Variants in MAGI2 observed in about 807,000 individuals in gnomAD.
MAGI2 encodes the protein membrane-associated guanylate kinase, WW and PDZ domain-containing protein 2.
In MAGI2, 35 loss-of-function variants were observed where a neutral mutation model predicts 133.3. The observed-to-expected ratio is 0.26, with a 90% CI of 0.20 to 0.35. The LOEUF is 0.35. Among genes scored for constraint, MAGI2 ranks in the 10% least tolerant of loss-of-function variants. The pLI, the probability that MAGI2 is intolerant of heterozygous loss-of-function variation, is 1.00. For synonymous variants in MAGI2, 729 were observed against 710.6 expected (o/e 1.03, Z -0.41); for missense variants, 1,636 against 1,863.4 (o/e 0.88, Z 2.25).
chr7:78,228,088 T>C (rs1252344139), intron 10 of MAGI2, among the ~76,000 whole-genome samples: 2 of 152,180 alleles, frequency 1.3e-5, no homozygotes, highest in Non-Finnish European at 2.9e-5. Context: ...TCCAATAACA[T>C]TTTATGGACA....
At chr7:79,290,880 T>C (rs1585446573) in intron 1 of MAGI2, among the ~76,000 whole-genome samples, 1 of 152,086 alleles carries the variant, frequency 6.6e-6, no homozygotes, top group Non-Finnish European at 1.5e-5. Context: ...TACCATAAAA[T>C]AGTTGTTTTA....
intron 9 of MAGI2, among the ~76,000 whole-genome samples, chr7:78,308,073 TA>T (rs767144092): frequency 1.2e-4 from 18 of 152,342 alleles, no homozygotes; most frequent in Non-Finnish European, 2.4e-4. Context: ...TCACTTTAAA[TA>T]ATGGGCAATG....
At chr7:78,540,021 G>A (rs1208879356) in intron 3 of MAGI2, among the ~76,000 whole-genome samples, 1 of 152,210 alleles carries the variant, frequency 6.6e-6, no homozygotes, top group Non-Finnish European at 1.5e-5. Context: ...TTGGCCTCCA[G>A]CCAGGAGGTG....
intron 2 of MAGI2, among the ~76,000 whole-genome samples, chr7:78,917,347 A>T (rs1584384908): frequency 6.6e-6 from 1 of 152,178 alleles, no homozygotes; most frequent in East Asian, 1.9e-4. Context: ...AAAGAGAGAC[A>T]TTAATTTCTG....
intron 1 of MAGI2, among the ~76,000 whole-genome samples, chr7:79,273,719 C>G (rs1342212142): frequency 6.6e-6 from 1 of 151,576 alleles, no homozygotes; most frequent in East Asian, 1.9e-4. Context: ...TACAGTATGG[C>G]TCACTTTATC....
At chr7:78,576,282 T>C (rs1391496577) in intron 3 of MAGI2, among the ~76,000 whole-genome samples, 1 of 152,178 alleles carries the variant, frequency 6.6e-6, no homozygotes, top group East Asian at 1.9e-4. Flanking sequence ...GTCTCTAGCA[T>C]TCTGGGTTAC....
At chr7:78,695,231 A>AG (rs1817387249) in intron 2 of MAGI2, among the ~76,000 whole-genome samples, 1 of 149,024 alleles carries the variant, frequency 6.7e-6, no homozygotes, top group African/African-American at 2.4e-5. Flanking sequence ...TCTCAAAAAA[A>AG]TAATAAAGTA....
chr7:78,583,621 CGTCA>C (rs988080447), intron 3 of MAGI2: 2 of 152,198 alleles, frequency 1.3e-5, no homozygotes, highest in African/African-American at 4.8e-5. Flanking sequence ...TCTGTAGAAA[CGTCA>C]GTAAGAGAAC....
intron 3 of MAGI2, among the ~76,000 whole-genome samples, chr7:78,528,514 C>T (rs1233859694): frequency 6.6e-6 from 1 of 152,046 alleles, no homozygotes; most frequent in Non-Finnish European, 1.5e-5. Context: ...GAATCATAGT[C>T]ATATAGCTAT....
intron 16 of MAGI2, among the ~76,000 whole-genome samples, chr7:78,143,365 T>C (rs3823788): frequency 0.26 from 40,189 of 152,062 alleles, 5,474 homozygotes; most frequent in African/African-American, 0.32. Flanking sequence ...ATCCCAGGCA[T>C]GCAAATCTAC....
intron 2 of MAGI2, among the ~76,000 whole-genome samples, chr7:78,741,361 G>A: frequency 7.2e-6 from 1 of 139,460 alleles, no homozygotes; most frequent in Non-Finnish European, 1.5e-5. Flanking sequence ...TGGAGGAATA[G>A]AAGAAAAAAG....
At position 78,578,164 on chromosome 7, in the gene MAGI2, G is replaced by A. The variant is rs1414123928; in HGVS notation, c.538+48956C>T. Among the ~76,000 whole-genome samples, 3 of 151,804 alleles carry A rather than the reference G, an allele frequency of 2.0e-5. No homozygotes were observed. In the East Asian group the frequency reaches 5.8e-4, roughly 29 times the overall value. On this transcript the variant is annotated intron_variant, in intron 3 of 21. Transcript: ENST00000354212. ...ATGATCATAAAACATGTTTATATAG[G>A]TTACTAATCTTTTATTCTGGTTGTA...
intron 2 of MAGI2, among the ~76,000 whole-genome samples, chr7:78,724,791 A>C (rs1218265472): frequency 1.3e-5 from 2 of 152,162 alleles, no homozygotes; most frequent in African/African-American, 4.8e-5. Flanking sequence ...CTAACTTTTG[A>C]GTTTCAACTT....
intron 1 of MAGI2, among the ~76,000 whole-genome samples, chr7:79,032,888 T>G (rs748932434): frequency 6.6e-6 from 1 of 151,508 alleles, no homozygotes; most frequent in Non-Finnish European, 1.5e-5. Context: ...AAAGTTCTTT[T>G]GAGAAGGACA....
intron 9 of MAGI2, among the ~76,000 whole-genome samples, chr7:78,281,655 C>T (rs1466064339): frequency 6.6e-6 from 1 of 151,240 alleles, no homozygotes; most frequent in Middle Eastern, 3.2e-3. Context: ...ATTCTAAATA[C>T]AGTCACAAGT....
chr7:78,127,281 G>T lies in MAGI2; in HGVS notation c.3339C>A (p.Asp1113Glu), dbSNP rs1418496465. ...AGTCCAGTAGGGGAGGCTGCCTGTA[G>T]TCCAAGGGTGGGGGCTGCTGGTAGT... Reference protein sequence around the residue: ...GGDYQQPPPLDYRQPPLLDYR... With the variant: ...GGDYQQPPPLEYRQPPLLDYR... The change falls in exon 19 of 22, where the codon GAC becomes GAA. Residue 1113 changes from aspartate to glutamate, a missense_variant. This residue lies in a region of MAGI2 where 920 missense variants were observed against 1,093.5 expected (regional missense o/e 0.84). Transcript: ENST00000354212. 3.1e-6 allele frequency: 5 copies of T among 1,608,178 alleles called. 1 individual carries two copies. In the South Asian group the frequency reaches 3.3e-5, roughly 11 times the overall value.
At chr7:79,186,543 G>A (rs1429697804) in intron 1 of MAGI2, among the ~76,000 whole-genome samples, 2 of 149,058 alleles carry the variant, frequency 1.3e-5, no homozygotes, top group Non-Finnish European at 1.5e-5. Context: ...TTGTCATTTT[G>A]TTTATTCCTA....
At chr7:78,587,125 T>A (rs1803504468) in intron 3 of MAGI2, among the ~76,000 whole-genome samples, 1 of 152,218 alleles carries the variant, frequency 6.6e-6, no homozygotes, top group Non-Finnish European at 1.5e-5. Context: ...TGTTTGACAG[T>A]TCTATTTTTG....
intron 2 of MAGI2, among the ~76,000 whole-genome samples, chr7:78,821,122 G>A (rs80226925): frequency 6.6e-6 from 1 of 152,032 alleles, no homozygotes; most frequent in Non-Finnish European, 1.5e-5. Context: ...TGTGTGGTAT[G>A]TAGCTCCTAG....
Sources: gnomAD v4.1 joint callset for allele counts (sites outside exome capture counted in the v4.1 genomes callset) on GRCh38, gnomAD v4.1.1 for gene constraint, gnomAD v4.1.1 regional missense constraint, MANE v1.5 for transcripts, NCBI Gene and HGNC (gene_info 2026-07-23, HGNC 2026-07-21) for gene names.